PIGH: variants seen among roughly 807,000 people sequenced by gnomAD.
PIGH encodes phosphatidylinositol N-acetylglucosaminyltransferase subunit H.
PIGH carries 11 observed loss-of-function variants against 20.1 expected under a neutral mutation model. The observed-to-expected ratio is 0.55, with a 90% CI of 0.34 to 0.91. The LOEUF (loss-of-function observed/expected upper bound fraction) is 0.91, where lower values mean the gene tolerates loss of function less well. Among genes scored for constraint, PIGH ranks in the 40% least tolerant of loss-of-function variants. The pLI, the probability that PIGH is intolerant of heterozygous loss-of-function variation, is 0.02. For synonymous variants in PIGH, 72 were observed against 93.1 expected, an observed-to-expected ratio of 0.77 and a Z score of 1.31; for missense variants, 189 against 233.6, an observed-to-expected ratio of 0.81 and a Z score of 1.24.
At chr14:67,598,975 G>T (rs2036523972) in intron 1 of PIGH, among the ~76,000 whole-genome samples, 1 of 152,260 alleles carries the variant, frequency 6.6e-6, no homozygotes, top group African/African-American at 2.4e-5. Context: ...TTCCCAAAGT[G>T]CTGGGATTAC....
intron 2 of PIGH, chr14:67,593,404 T>G: frequency 3.8e-6 from 1 of 265,406 alleles, no homozygotes; most frequent in Non-Finnish European, 7.2e-6. Context: ...GGTGGGAGAA[T>G]GGCTTGAGCC....
chr14:67,596,243 C>T (rs2036471373), intron 1 of PIGH, among the ~76,000 whole-genome samples: 1 of 151,326 alleles, frequency 6.6e-6, no homozygotes, highest in African/African-American at 2.4e-5. Context: ...ATTCTCCTGC[C>T]TCAGCCTCCC....
intron 2 of PIGH, among the ~76,000 whole-genome samples, chr14:67,593,048 A>C (rs1048177370): frequency 4.6e-5 from 7 of 152,224 alleles, no homozygotes; most frequent in Non-Finnish European, 2.9e-5. Context: ...TGGCCTCCCA[A>C]AGTGCTGGGA....
rs1436562496 is a variant in PIGH, at chr14:67,592,676, C to G, written c.433G>C (p.Val145Leu). 6.2e-7 allele frequency: 1 copy of G among 1,609,282 alleles called. No individual in the cohort carries two copies. Among genetic ancestry groups the G allele is most frequent in the Admixed American group, 1.7e-5 (1 of 59,990 alleles). The change falls in exon 3 of 4, where the codon GTG becomes CTG. Residue 145 changes from valine (V) to leucine (L), a missense_variant. Val to Leu is a conservative substitution (Grantham distance 32). Coordinates refer to ENST00000216452, the MANE Select transcript of PIGH (RefSeq NM_004569.5). ...YYLCILLKDP[V>L]EPHGISQVVP... ...ACTTGGGATATCCCATGTGGTTCCA[C>G]TGGATCTTTCAATAAGATGCAGAGG...
At chr14:67,591,499 T>G (rs1404417403) in intron 3 of PIGH, among the ~76,000 whole-genome samples, 1 of 152,238 alleles carries the variant, frequency 6.6e-6, no homozygotes, top group African/African-American at 2.4e-5. Context: ...CATAAATACC[T>G]ACCTCTAAAT....
At chr14:67,592,330 C>T in intron 3 of PIGH, 1 of 432,220 alleles carries the variant, frequency 2.3e-6, no homozygotes, top group South Asian at 2.2e-5. Flanking sequence ...GTCCCAAGTT[C>T]TCAGGAGGCT....
intron 3 of PIGH, among the ~76,000 whole-genome samples, chr14:67,591,075 GA>G (rs2036356299): frequency 6.6e-6 from 1 of 151,842 alleles, no homozygotes; most frequent in Non-Finnish European, 1.5e-5. Context: ...AATATATAAA[GA>G]ATTGTTAAAA....
rs1311168852 is a variant in PIGH at position 67,592,657 on chromosome 14, G to C, written c.452C>G (p.Ser151Cys). Residue 151 changes from serine (S) to cysteine (C), a missense_variant, in exon 3 of 4, where the codon TCC becomes TGC. By Grantham distance (112) the Ser-to-Cys change is moderately radical. Coordinates refer to ENST00000216452, the MANE Select transcript of PIGH (RefSeq NM_004569.5). ...LKDPVEPHGI[S>C]QVVPVFQSAK... ...CACCTGGAAGACGGGTACTACTTGG[G>C]ATATCCCATGTGGTTCCACTGGATC... 6.2e-7 allele frequency: 1 copy of C among 1,605,120 alleles called. No individual in the cohort carries two copies. The highest frequency in any genetic ancestry group is 8.5e-7 in the Non-Finnish European group (1 of 1,173,384).
At chr14:67,592,889 G>A (rs556887712) in intron 2 of PIGH, 171 bp from the exon 3 acceptor site, 184 of 481,776 alleles carry the variant, frequency 3.8e-4, no homozygotes, top group Middle Eastern at 1.2e-3. Flanking sequence ...AGGTTCAAGC[G>A]ATTCTCCTGC....
chr14:67,589,517 AG>A lies in PIGH; in HGVS notation c.*562del. On this transcript the variant is annotated 3_prime_UTR_variant, in exon 4 of 4. Transcript: ENST00000216452. ...ATGATCTTGTTTGTCAATAAAAAGC[AG>A]CTATCTGTGAACCAGGTAACTGTGT... The A allele has an allele frequency of 1.0e-6, 1 of 985,302 alleles. No individual in the cohort carries two copies. Among genetic ancestry groups the A allele is most frequent in the Non-Finnish European group, 1.2e-6 (1 of 829,798 alleles). 61.0% of individuals were successfully genotyped at this position (985,302 alleles called of 1,614,324 possible).
At chr14:67,592,278 T>TAAA in intron 3 of PIGH, 3 of 343,508 alleles carry the variant, frequency 8.7e-6, no homozygotes, top group Admixed American at 3.5e-5. Context: ...CTACTAAAAA[T>TAAA]AAAAAAAAAA....
chr14:67,592,613 G>A (rs558858724), intron 3 of PIGH, 22 bp downstream of exon 3: 37 of 1,441,938 alleles, frequency 2.6e-5, no homozygotes, highest in Non-Finnish European at 3.5e-5. Flanking sequence ...ATTGGAGAAT[G>A]GTAAAAGTAT....
At chr14:67,598,713 C>CTTTTTTT (rs10681128) in intron 1 of PIGH, among the ~76,000 whole-genome samples, 1 of 144,390 alleles carries the variant, frequency 6.9e-6, no homozygotes, top group South Asian at 2.2e-4. Context: ...TATGAACAAA[C>CTTTTTTT]TTTTTTTTTT....
rs143322353 is a variant in PIGH at position 67,592,644 on chromosome 14, G to A, written c.465C>T (p.Pro155=). ...VEPHGISQVV[P]VFQSAKPRLD... ...AGTATTCTATGCTCACCTGGAAGAC[G>A]GGTACTACTTGGGATATCCCATGTG... The change falls in exon 3 of 4, where the codon CCC becomes CCT. Residue 155 remains proline (P), a synonymous_variant. Transcript: ENST00000216452. 4.4e-6 allele frequency: 7 copies of A among 1,589,446 alleles called. No individual in the cohort carries two copies. Among genetic ancestry groups the A allele is most frequent in the East Asian group, 2.2e-5 (1 of 44,792 alleles).
At chr14:67,590,607 C>T (rs1351864365) in intron 3 of PIGH, among the ~76,000 whole-genome samples, 2 of 152,216 alleles carry the variant, frequency 1.3e-5, no homozygotes, top group African/African-American at 2.4e-5. Context: ...GATCTGCCCA[C>T]CTCGGCTTCC....
intron 3 of PIGH, among the ~76,000 whole-genome samples, chr14:67,590,496 C>G (rs2036338515): frequency 6.6e-6 from 1 of 152,120 alleles, no homozygotes; most frequent in Non-Finnish European, 1.5e-5. Flanking sequence ...GTAGCTAGGA[C>G]TACAGGCACG....
At position 67,599,963 on chromosome 14, in the gene PIGH, A is replaced by G. The variant is rs572863891; in HGVS notation, c.180+61T>C. Reference sequence around the variant, plus strand: ...GGTCCGGGCTCGACCAAAGACCCCAAAGACCCTCCCAAAGCCGAACCCCCT... The same window carrying G: ...GGTCCGGGCTCGACCAAAGACCCCAGAGACCCTCCCAAAGCCGAACCCCCT... On this transcript the variant is annotated intron_variant, in intron 1 of 3. Coordinates refer to ENST00000216452, the MANE Select transcript of PIGH (RefSeq NM_004569.5). 130 of 1,427,798 alleles carry G rather than the reference A, an allele frequency of 9.1e-5. No individual in the cohort carries two copies. In the East Asian group the frequency reaches 1.0e-3, roughly 11 times the overall value. 88.4% of individuals were successfully genotyped at this position (1,427,798 alleles called of 1,614,324 possible). A position where few individuals can be genotyped will look rare whatever the true frequency, so the allele number is the denominator to read the frequency against.
At chr14:67,597,172 C>G (rs2036489988) in intron 1 of PIGH, among the ~76,000 whole-genome samples, 1 of 152,190 alleles carries the variant, frequency 6.6e-6, no homozygotes, top group Non-Finnish European at 1.5e-5. Flanking sequence ...TATTTACTAT[C>G]TAGTCTTTTA....
chr14:67,594,012 C>T (rs572341832), intron 1 of PIGH, 60 bp from the exon 2 acceptor site: 2 of 1,113,556 alleles, frequency 1.8e-6, no homozygotes, highest in Admixed American at 3.9e-5. Flanking sequence ...CAACTCCAGG[C>T]AATGAGGGGA....
Sources: gnomAD v4.1 joint callset for allele counts (sites outside exome capture counted in the v4.1 genomes callset) on GRCh38, gnomAD v4.1.1 for gene constraint, MANE v1.5 for transcripts, NCBI Gene and HGNC (gene_info 2026-07-23, HGNC 2026-07-21) for gene names.